Variants in TSPEAR observed in about 807,000 individuals in gnomAD.
The protein encoded by TSPEAR is thrombospondin type laminin G domain and EAR repeats, also known as thrombospondin-type laminin G domain and EAR repeat-containing protein.
TSPEAR carries 69 observed loss-of-function variants against 71.6 expected under a neutral mutation model. That is an observed-to-expected ratio of 0.96 (90% CI 0.79 to 1.18). The LOEUF (loss-of-function observed/expected upper bound fraction) is 1.18. Ranked by LOEUF, TSPEAR falls within the 50% of genes most tolerant of loss-of-function variation. The probability of loss-of-function intolerance (pLI) is 0.00; values close to 1 mark genes in which losing one functional copy is unlikely to be tolerated. For synonymous variants in TSPEAR, 402 were observed against 387.2 expected, an observed-to-expected ratio of 1.04 and a Z score of -0.45; for missense variants, 971 against 894.9, an observed-to-expected ratio of 1.09 and a Z score of -1.09.
At chr21:44,553,061 G>A (rs587651906) in intron 2 of TSPEAR, among the ~76,000 whole-genome samples, 6 of 152,324 alleles carry the variant, frequency 3.9e-5, no homozygotes, top group African/African-American at 1.2e-4. Flanking sequence ...TGACAGCTTC[G>A]GTGATCTTAG....
intron 8 of TSPEAR, 59 bp downstream of exon 8, chr21:44,525,594 A>G: frequency 6.5e-7 from 1 of 1,550,356 alleles, no homozygotes; most frequent in Non-Finnish European, 8.8e-7. Context: ...CCCTGCCTGC[A>G]AGTCTCGCTC....
At chr21:44,626,344 C>G (rs1329888664) in intron 1 of TSPEAR, among the ~76,000 whole-genome samples, 1 of 152,160 alleles carries the variant, frequency 6.6e-6, no homozygotes, top group East Asian at 1.9e-4. Flanking sequence ...TGTGGCTGAC[C>G]TGGGGGTGTG....
At chr21:44,503,024 T>C in intron 11 of TSPEAR, among the ~76,000 whole-genome samples, 1 of 125,990 alleles carries the variant, frequency 7.9e-6, no homozygotes, top group Non-Finnish European at 1.7e-5. Context: ...CCGGCCTCGG[T>C]GAGCCCTCGG....
At chr21:44,592,323 G>C (rs1980003892) in intron 1 of TSPEAR, 7 of 1,414,378 alleles carry the variant, frequency 4.9e-6, no homozygotes, top group Non-Finnish European at 6.6e-6. Flanking sequence ...TGCAGACCAG[G>C]CTCAGGCAGG....
At chr21:44,556,885 C>T (rs1206624268) in intron 2 of TSPEAR, among the ~76,000 whole-genome samples, 1 of 152,098 alleles carries the variant, frequency 6.6e-6, no homozygotes, top group Non-Finnish European at 1.5e-5. Context: ...GCCCTTTTTG[C>T]ACAAGGGAAC....
Position 44,593,431 on chromosome 21 carries a change from T to C in TSPEAR, c.83-25426A>G, listed in dbSNP as rs913325037. On this transcript the variant is annotated intron_variant, in intron 1 of 11. Transcript: ENST00000323084. The surrounding 1 kb of genome is among the most constrained non-coding windows in gnomAD (Gnocchi z 5.9). Reference sequence around the variant, plus strand: ...AAGAACCCGCACAGAAGACACAAAATGGGTCCATGAGAAGTTGATCTCACT... The same window carrying C: ...AAGAACCCGCACAGAAGACACAAAACGGGTCCATGAGAAGTTGATCTCACT... Among the ~76,000 whole-genome samples, 1 of 152,126 alleles carries C rather than the reference T, an allele frequency of 6.6e-6. No homozygotes were observed. The highest frequency in any genetic ancestry group is 1.5e-5 in the Non-Finnish European group (1 of 68,022).
At chr21:44,645,761 T>A (rs62219776) in intron 1 of TSPEAR, among the ~76,000 whole-genome samples, 110,924 of 151,496 alleles carry the variant, frequency 0.73, 40,690 homozygotes, top group African/African-American at 0.76. Context: ...ATCTAATCAG[T>A]CCAGAAACAG....
At chr21:44,550,275 C>T (rs1172074287) in intron 2 of TSPEAR, 34 of 236,800 alleles carry the variant, frequency 1.4e-4, no homozygotes, top group Middle Eastern at 1.6e-3. Context: ...AAGAGATCCA[C>T]GGGGCCCAGC....
At chr21:44,517,950 C>T (rs978892968) in intron 9 of TSPEAR, 3 of 428,136 alleles carry the variant, frequency 7.0e-6, no homozygotes, top group Admixed American at 2.9e-5. Context: ...TCACCCTCTT[C>T]TTTTTTTTCT....
intron 1 of TSPEAR, among the ~76,000 whole-genome samples, chr21:44,629,112 G>C (rs1983095928): frequency 6.6e-6 from 1 of 152,148 alleles, no homozygotes; most frequent in South Asian, 2.1e-4. Context: ...GTCCCCTCCA[G>C]TCCTCACCCA....
chr21:44,541,197 A>C (rs2053217140), intron 2 of TSPEAR, among the ~76,000 whole-genome samples: 1 of 152,212 alleles, frequency 6.6e-6, no homozygotes, highest in South Asian at 2.1e-4. Flanking sequence ...TTCACCACTC[A>C]GTCTTCAAAG....
chr21:44,503,839 G>A (rs141199486), intron 11 of TSPEAR, among the ~76,000 whole-genome samples: 10,251 of 134,586 alleles, frequency 0.076, 222 homozygotes, highest in East Asian at 0.15. Flanking sequence ...GGAGGAGGCC[G>A]GCCTTGGTGA....
chr21:44,637,072 C>T (rs1481508883), intron 1 of TSPEAR, among the ~76,000 whole-genome samples: 45 of 152,310 alleles, frequency 3.0e-4, no homozygotes, highest in South Asian at 1.2e-3. Context: ...GGCACAGTCA[C>T]GGGACCTGCC....
intron 1 of TSPEAR, among the ~76,000 whole-genome samples, chr21:44,691,114 TTC>T (rs1214957639): frequency 6.8e-6 from 1 of 147,774 alleles, no homozygotes. Flanking sequence ...CTCTCCACAC[TTC>T]TCTCTCTCTC....
intron 1 of TSPEAR, chr21:44,697,763 T>C: frequency 6.2e-7 from 1 of 1,614,070 alleles, no homozygotes; most frequent in Non-Finnish European, 8.5e-7. Flanking sequence ...CACCACCTCC[T>C]GCTGCAGACC....
Position 44,536,122 on chromosome 21 carries a change from C to T in TSPEAR, c.304-2199G>A, listed in dbSNP as rs983878885. ...GCCCTGTCAGGCTTCTTCCTGCAGC[C>T]GCTTGTGTTCCATGGCTGATGGAGA... On this transcript the variant is annotated intron_variant, in intron 2 of 11. Coordinates refer to ENST00000323084, the MANE Select transcript of TSPEAR (RefSeq NM_144991.3). Among the ~76,000 whole-genome samples, 11 of 152,270 alleles carry T rather than the reference C, an allele frequency of 7.2e-5. No individual in the cohort carries two copies. In the East Asian group the frequency reaches 1.4e-3, roughly 19 times the overall value.
At chr21:44,513,255 G>C (rs2052450982) in intron 9 of TSPEAR, among the ~76,000 whole-genome samples, 1 of 152,170 alleles carries the variant, frequency 6.6e-6, no homozygotes, top group Non-Finnish European at 1.5e-5. Flanking sequence ...CCCCTTGCAG[G>C]TTGGAGTGAA....
rs188462599 is a variant in TSPEAR at position 44,535,469 on chromosome 21, C to T, written c.304-1546G>A. Among the ~76,000 whole-genome samples the T allele has an allele frequency of 4.1e-4, 63 of 152,328 alleles. No homozygotes were observed. The South Asian group carries it at 4.2e-3, about 10-fold the overall frequency. On this transcript the variant is annotated intron_variant, in intron 2 of 11. Coordinates refer to ENST00000323084, the MANE Select transcript of TSPEAR (RefSeq NM_144991.3). ...CAGTTAGACAGCATACAGTCACGTA[C>T]GGCCAGAGCCTGTTTCAGTTGACAG... is the stretch of plus-strand genomic sequence containing the variant.
chr21:44,531,322 A>G (rs187088473), intron 3 of TSPEAR, among the ~76,000 whole-genome samples, 189 bp from the exon 4 acceptor site: 6 of 152,290 alleles, frequency 3.9e-5, no homozygotes, highest in Admixed American at 1.3e-4. Flanking sequence ...AGGCTGGGGC[A>G]GGGTTTCTCC....
Sources: gnomAD v4.1 joint callset for allele counts (sites outside exome capture counted in the v4.1 genomes callset) on GRCh38, gnomAD v4.1.1 for gene constraint, Gnocchi (gnomAD v3.1) non-coding constraint, MANE v1.5 for transcripts, NCBI Gene and HGNC (gene_info 2026-07-23, HGNC 2026-07-21) for gene names.